The following PTPN14 variants were observed in gnomAD, a reference collection of about 807,000 sequenced individuals.
PTPN14 encodes the protein tyrosine-protein phosphatase non-receptor type 14.
A neutral mutation model predicts 126.8 loss-of-function variants in PTPN14; 53 were observed. The observed-to-expected ratio is 0.42, with a 90% CI of 0.34 to 0.53. The LOEUF (loss-of-function observed/expected upper bound fraction) is 0.53. Among genes scored for constraint, PTPN14 ranks in the 20% least tolerant of loss-of-function variants. The pLI is 0.08. For synonymous variants in PTPN14, 630 were observed against 599.3 expected (o/e 1.05, Z -0.75); for missense variants, 1,257 against 1,552.9 (o/e 0.81, Z 3.20).
chr1:214,414,317 G>A (rs1659377395), intron 4 of PTPN14, among the ~76,000 whole-genome samples: 1 of 152,112 alleles, frequency 6.6e-6, no homozygotes, highest in East Asian at 1.9e-4. Context: ...TTGTGCCTTG[G>A]AATAATTCTG....
chr1:214,465,241 T>A lies in PTPN14; in HGVS notation c.-154-284A>T, dbSNP rs11120329. 0.83 allele frequency among the ~76,000 whole-genome samples: 125,909 copies of A among 152,212 alleles called. 52,180 individuals carry two copies. The highest frequency in any genetic ancestry group is 0.89 in the African/African-American group (37,070 of 41,538). ...CACAGGTGCACAGTGTAAATGGCAA[T>A]GCCAGAATTTAAACCAATGTCTACG... On this transcript the variant is annotated intron_variant, in intron 1 of 18. Transcript: ENST00000366956.
intron 13 of PTPN14, among the ~76,000 whole-genome samples, chr1:214,381,311 G>T (rs1658467003): frequency 1.3e-5 from 2 of 152,200 alleles, no homozygotes; most frequent in South Asian, 4.1e-4. Context: ...AGACTGATAG[G>T]TTCTTGATGC....
chr1:214,471,116 G>A (rs141150421), intron 1 of PTPN14, among the ~76,000 whole-genome samples: 153 of 148,182 alleles, frequency 1.0e-3, no homozygotes, highest in African/African-American at 3.6e-3. Context: ...TCACCTTTCC[G>A]TGATGAAAGT....
At chr1:214,486,251 A>C (rs148375003) in intron 1 of PTPN14, among the ~76,000 whole-genome samples, 137 of 152,282 alleles carry the variant, frequency 9.0e-4, no homozygotes, top group Admixed American at 1.6e-3. Context: ...GTTATCTCTC[A>C]TACTCATGTC....
rs969372970 is a variant in PTPN14 at position 214,357,374 on chromosome 1, A to G, written c.*548T>C. 4 of 152,192 alleles carry G rather than the reference A, an allele frequency of 2.6e-5. No homozygotes were observed. Among genetic ancestry groups the G allele is most frequent in the African/African-American group, 9.7e-5 (4 of 41,432 alleles). The allele number at this position is 152,192 out of a possible 1,614,324, so 9.4% of individuals were successfully genotyped here. ...AAATGAAGACGAGAGGAAACTGTCT[A>G]TCAAGGCTCATGAGCCCCAAAATAT... On this transcript the variant is annotated 3_prime_UTR_variant, in exon 19 of 19. Transcript: ENST00000366956.
chr1:214,428,234 G>C (rs1659713602), intron 3 of PTPN14, among the ~76,000 whole-genome samples: 1 of 152,212 alleles, frequency 6.6e-6, no homozygotes, highest in South Asian at 2.1e-4. Flanking sequence ...GACATATTCT[G>C]AAGGCTGGAT....
At chr1:214,386,668 C>T (rs755935062) in intron 12 of PTPN14, among the ~76,000 whole-genome samples, 176 bp downstream of exon 12, 3 of 152,226 alleles carry the variant, frequency 2.0e-5, no homozygotes, top group Non-Finnish European at 4.4e-5. Flanking sequence ...ATTTTTTGAT[C>T]AGAGGTAACT....
At chr1:214,369,934 TAGAG>T (rs1417899601) in intron 16 of PTPN14, among the ~76,000 whole-genome samples, 11 of 152,180 alleles carry the variant, frequency 7.2e-5, no homozygotes, top group Non-Finnish European at 1.5e-5. Flanking sequence ...AGTAGAATGT[TAGAG>T]AGAAGTGCAA....
chr1:214,518,107 A>C (rs1419877863), intron 1 of PTPN14, among the ~76,000 whole-genome samples: 1 of 152,210 alleles, frequency 6.6e-6, no homozygotes, highest in African/African-American at 2.4e-5. Flanking sequence ...CATGGTAAAC[A>C]ATAAATGTTT....
intron 1 of PTPN14, among the ~76,000 whole-genome samples, chr1:214,515,057 TATTAC>T (rs1655066928): frequency 1.3e-5 from 2 of 152,328 alleles, no homozygotes; most frequent in South Asian, 4.1e-4. Context: ...TTCTTCCTCC[TATTAC>T]ATCTTCTAAA....
chr1:214,363,094 A>G (rs1418360335), intron 18 of PTPN14, among the ~76,000 whole-genome samples: 1 of 152,214 alleles, frequency 6.6e-6, no homozygotes, highest in Non-Finnish European at 1.5e-5. Context: ...AAAAAATCCT[A>G]TGTGGGGCAA....
At chr1:214,379,288 T>C (rs1658416283) in intron 13 of PTPN14, among the ~76,000 whole-genome samples, 1 of 152,208 alleles carries the variant, frequency 6.6e-6, no homozygotes. Flanking sequence ...TTCCTTATTC[T>C]ATGATGTATA....
At position 214,386,939 on chromosome 1, in the gene PTPN14, AGAG is replaced by A; in HGVS notation, c.988-20_988-18del. On this transcript the variant is annotated intron_variant, in intron 11 of 18. Transcript: ENST00000366956. ...CTGCCTGGGCTGAAACAGAGAACAC[AGAG>A]GAGGTGGGGAGGCCTGGGCAGACAC... 6.3e-7 allele frequency: 1 copy of A among 1,575,930 alleles called. No individual in the cohort carries two copies. The highest frequency in any genetic ancestry group is 8.7e-7 in the Non-Finnish European group (1 of 1,147,618).
intron 1 of PTPN14, among the ~76,000 whole-genome samples, chr1:214,509,342 C>T (rs1654915404): frequency 6.6e-6 from 1 of 152,228 alleles, no homozygotes. Context: ...ATGGAAACAG[C>T]TTCTTTCCTT....
intron 1 of PTPN14, among the ~76,000 whole-genome samples, chr1:214,473,123 A>T (rs1320639584): frequency 2.0e-5 from 3 of 152,088 alleles, no homozygotes; most frequent in African/African-American, 7.2e-5. Flanking sequence ...GATTTCCAGT[A>T]TTTTGTTCTC....
At chr1:214,451,329 T>G (rs1660269075) in intron 3 of PTPN14, among the ~76,000 whole-genome samples, 1 of 151,906 alleles carries the variant, frequency 6.6e-6, no homozygotes, top group Non-Finnish European at 1.5e-5. Context: ...TCTAGCTAGT[T>G]TTTATATTTT....
rs1409789491 is a variant in PTPN14 at position 214,355,116 on chromosome 1, A to C, written c.*2806T>G. The C allele has an allele frequency of 6.6e-6, 1 of 152,234 alleles. No individual in the cohort carries two copies. The highest frequency in any genetic ancestry group is 1.9e-4 in the East Asian group (1 of 5,196). 9.4% of individuals were successfully genotyped at this position (152,234 alleles called of 1,614,324 possible). The stretch of plus-strand genomic sequence containing the variant: ...AGTGAAATATGTGGAACAACTCTTA[A>C]ATGTTTTCTTTTGGGTTTCAATATA... On this transcript the variant is annotated 3_prime_UTR_variant, in exon 19 of 19. Coordinates refer to ENST00000366956, the MANE Select transcript of PTPN14 (RefSeq NM_005401.5).
At chr1:214,393,474 C>T (rs1037271297) in intron 10 of PTPN14, among the ~76,000 whole-genome samples, 4 of 152,222 alleles carry the variant, frequency 2.6e-5, no homozygotes, top group African/African-American at 9.6e-5. Flanking sequence ...CAAGCATTCA[C>T]AGTCAATTTG....
chr1:214,540,870 T>C (rs970924544), intron 1 of PTPN14, among the ~76,000 whole-genome samples: 1 of 152,204 alleles, frequency 6.6e-6, no homozygotes, highest in Non-Finnish European at 1.5e-5. Context: ...ATTTCAGATA[T>C]TGAACCCAAG....
Sources: gnomAD v4.1 joint callset for allele counts (sites outside exome capture counted in the v4.1 genomes callset) on GRCh38, gnomAD v4.1.1 for gene constraint, MANE v1.5 for transcripts, NCBI Gene and HGNC (gene_info 2026-07-23, HGNC 2026-07-21) for gene names.